The following TENM2 variants were observed in gnomAD, a reference collection of about 807,000 sequenced individuals.
TENM2 encodes the protein teneurin-2.
Under a neutral mutation model 245.2 loss-of-function variants are expected in TENM2, and 52 were observed. The ratio of observed to expected loss-of-function variants is 0.21; its 90% confidence interval spans 0.17 to 0.27. The LOEUF (loss-of-function observed/expected upper bound fraction) is 0.27. Ranked by LOEUF, TENM2 falls within the 10% of genes least tolerant of loss-of-function variation. TENM2 has a pLI of 1.00. For synonymous variants in TENM2, 1,363 were observed against 1,438.9 expected (o/e 0.95, Z 1.19); for missense variants, 3,046 against 3,666.8 (o/e 0.83, Z 4.37).
At chr5:167,977,340 A>G (rs1782515346) in intron 4 of TENM2, among the ~76,000 whole-genome samples, 2 of 152,248 alleles carry the variant, frequency 1.3e-5, no homozygotes, top group African/African-American at 4.8e-5. Context: ...AGTTTAAAGG[A>G]AAAAAGAAAA....
intron 2 of TENM2, among the ~76,000 whole-genome samples, chr5:167,587,566 G>A (rs1775590318): frequency 1.3e-5 from 2 of 152,120 alleles, no homozygotes; most frequent in African/African-American, 4.8e-5. Context: ...CCTGGGTGCT[G>A]GTGGTGCTAG....
At chr5:168,177,468 C>T (rs1456649396) in intron 13 of TENM2, among the ~76,000 whole-genome samples, 2 of 152,208 alleles carry the variant, frequency 1.3e-5, no homozygotes, top group Non-Finnish European at 2.9e-5. Context: ...CACAGATCAG[C>T]TGCCTCTAGA....
chr5:167,277,116 G>T, the TENM2 span, among the ~76,000 whole-genome samples: 1 of 151,744 alleles, frequency 6.6e-6, no homozygotes, highest in African/African-American at 2.4e-5. Flanking sequence ...ATTGATTTGG[G>T]TCTTATGTTT....
chr5:167,876,090 A>T, exon 3 of TENM2: 3 of 1,551,522 alleles, frequency 1.9e-6, no homozygotes, highest in Non-Finnish European at 2.6e-6. Flanking sequence ...ATTGCTAGAC[A>T]GCAACACCTC....
chr5:167,311,422 T>G (rs996340692), intron 1 of TENM2, among the ~76,000 whole-genome samples: 27 of 152,200 alleles, frequency 1.8e-4, no homozygotes, highest in African/African-American at 6.5e-4. Flanking sequence ...TTTTCAAAAT[T>G]GGAATTATAT....
chr5:168,251,471 C>T (rs919523610), intron 27 of TENM2, among the ~76,000 whole-genome samples: 3 of 152,102 alleles, frequency 2.0e-5, no homozygotes, highest in Admixed American at 6.6e-5. Flanking sequence ...AGAGAAGCGG[C>T]GTGCACAGGG....
intron 3 of TENM2, among the ~76,000 whole-genome samples, chr5:167,877,757 A>G (rs1354259351): frequency 2.0e-5 from 3 of 152,238 alleles, no homozygotes; most frequent in African/African-American, 7.2e-5. Context: ...GTTTGAGGAA[A>G]TTCTATATAA....
At chr5:167,556,408 G>A (rs1205069093) in intron 2 of TENM2, among the ~76,000 whole-genome samples, 1 of 106,064 alleles carries the variant, frequency 9.4e-6, no homozygotes, top group African/African-American at 3.6e-5. Context: ...TCATATATAT[G>A]TATGTATACT....
the TENM2 span, among the ~76,000 whole-genome samples, chr5:167,106,790 G>A: frequency 1.3e-5 from 2 of 151,550 alleles, no homozygotes. Flanking sequence ...GGTGGGGGAG[G>A]GAAGGATTCA....
intron 2 of TENM2, among the ~76,000 whole-genome samples, chr5:167,515,669 G>GTATATATATACATATATACGTATATATT: frequency 1.3e-5 from 1 of 78,826 alleles, no homozygotes; most frequent in Non-Finnish European, 2.5e-5. Context: ...ACGTATATAT[G>GTATATATATACATATATACGTATATATT]TGTATATATA....
At chr5:168,124,885 G>T (rs1451936025) in exon 11 of TENM2, 1 of 1,613,106 alleles carries the variant, frequency 6.2e-7, no homozygotes, top group Admixed American at 1.7e-5. Context: ...CAGCCACGGA[G>T]TCTGTGTGAA....
At chr5:168,051,593 T>A (rs1454174784) in intron 6 of TENM2, among the ~76,000 whole-genome samples, 1 of 152,236 alleles carries the variant, frequency 6.6e-6, no homozygotes, top group Non-Finnish European at 1.5e-5. Context: ...CACTTCTTCC[T>A]ACTTGACCAA....
At chr5:167,005,216 G>A in the TENM2 span, among the ~76,000 whole-genome samples, 1 of 152,156 alleles carries the variant, frequency 6.6e-6, no homozygotes, top group Non-Finnish European at 1.5e-5. Context: ...CAGTGTGTAC[G>A]AATTCACAGA....
At chr5:167,690,922 TA>T (rs1757390068) in intron 2 of TENM2, among the ~76,000 whole-genome samples, 1 of 52,508 alleles carries the variant, frequency 1.9e-5, no homozygotes, top group Admixed American at 2.7e-4. Flanking sequence ...TATATGCGAG[TA>T]TGTGTGTGTG....
At chr5:167,352,414 T>G (rs770693986) in intron 1 of TENM2, among the ~76,000 whole-genome samples, 2 of 152,240 alleles carry the variant, frequency 1.3e-5, no homozygotes, top group Non-Finnish European at 2.9e-5. Context: ...AGATAATTAT[T>G]AAAAACTTAT....
chr5:166,988,874 C>T, the TENM2 span, among the ~76,000 whole-genome samples: 1 of 152,168 alleles, frequency 6.6e-6, no homozygotes, highest in African/African-American at 2.4e-5. Context: ...TTGAAAGTTC[C>T]AAGCTGGTGC....
At chr5:167,999,879 C>A (rs994509459) in intron 5 of TENM2, among the ~76,000 whole-genome samples, 2 of 152,180 alleles carry the variant, frequency 1.3e-5, no homozygotes, top group African/African-American at 4.8e-5. Context: ...GTGATAGGTG[C>A]CACAACCCTG....
intron 3 of TENM2, among the ~76,000 whole-genome samples, chr5:167,902,275 A>C (rs2151522790): frequency 6.6e-6 from 1 of 152,330 alleles, no homozygotes; most frequent in Admixed American, 6.5e-5. Flanking sequence ...CACTCAAAGC[A>C]AAGTGTAAAA....
the TENM2 span, among the ~76,000 whole-genome samples, chr5:167,031,367 G>A: frequency 6.6e-6 from 1 of 152,128 alleles, no homozygotes; most frequent in Admixed American, 6.6e-5. Flanking sequence ...TTAAGAAATG[G>A]CCTCCCTGAG....
Sources: gnomAD v4.1 joint callset for allele counts (sites outside exome capture counted in the v4.1 genomes callset) on GRCh38, gnomAD v4.1.1 for gene constraint, MANE v1.5 for transcripts, NCBI Gene and HGNC (gene_info 2026-07-23, HGNC 2026-07-21) for gene names.